Variants in CNTN1 observed in about 807,000 individuals in gnomAD.
CNTN1 encodes the protein contactin 1.
In CNTN1, 38 loss-of-function variants were observed where a neutral mutation model predicts 126.4. The observed-to-expected ratio is 0.30, with a 90% CI of 0.23 to 0.39. The LOEUF is 0.39. Among genes scored for constraint, CNTN1 ranks in the 10% least tolerant of loss-of-function variants. The pLI, the probability that CNTN1 is intolerant of heterozygous loss-of-function variation, is 1.00. For synonymous variants in CNTN1, 413 were observed against 422.6 expected (o/e 0.98, Z 0.28); for missense variants, 1,009 against 1,248.4 (o/e 0.81, Z 2.89).
At chr12:40,913,951 GCA>G (rs1249744497) in intron 3 of CNTN1, among the ~76,000 whole-genome samples, 3 of 152,068 alleles carry the variant, frequency 2.0e-5, no homozygotes, top group Non-Finnish European at 1.5e-5. Flanking sequence ...TGCATTAAAA[GCA>G]GATCAAAATA....
chr12:40,739,640 A>G (rs1259850998), intron 1 of CNTN1, among the ~76,000 whole-genome samples: 1 of 152,084 alleles, frequency 6.6e-6, no homozygotes, highest in Non-Finnish European at 1.5e-5. Context: ...GGCTTCAGCC[A>G]TATCTGTAAT....
intron 1 of CNTN1, among the ~76,000 whole-genome samples, chr12:40,805,368 T>A (rs561339373): frequency 1.3e-5 from 2 of 152,208 alleles, no homozygotes; most frequent in African/African-American, 4.8e-5. Flanking sequence ...TTTTTCCTTT[T>A]ATGTGTCAAT....
chr12:40,797,462 T>A (rs967392081), intron 1 of CNTN1, among the ~76,000 whole-genome samples: 1 of 151,540 alleles, frequency 6.6e-6, no homozygotes, highest in Non-Finnish European at 1.5e-5. Flanking sequence ...TAGGATAGAG[T>A]GGGAGAGTGC....
intron 1 of CNTN1, among the ~76,000 whole-genome samples, chr12:40,877,988 C>CTTTTTTTTTTT (rs199626249): frequency 2.7e-5 from 3 of 109,338 alleles, no homozygotes; most frequent in African/African-American, 6.5e-5. Context: ...CAGTTTTTTC[C>CTTTTTTTTTTT]TTTTTTTTTT....
intron 16 of CNTN1, 106 bp downstream of exon 16, chr12:40,981,173 GCTTT>G (rs1592358262): frequency 9.2e-7 from 1 of 1,083,808 alleles, no homozygotes; most frequent in Non-Finnish European, 1.4e-6. Context: ...ACCTTGAAAG[GCTTT>G]CTTTCTTAAA....
intron 23 of CNTN1, among the ~76,000 whole-genome samples, chr12:41,064,082 G>T (rs1320054400): frequency 6.6e-6 from 1 of 151,782 alleles, no homozygotes; most frequent in Non-Finnish European, 1.5e-5. Flanking sequence ...GCTGAGGCAG[G>T]AGAATGGCGT....
rs71078269 is a variant in CNTN1 at position 40,795,274 on chromosome 12, TACACACACACACACACACAC to T, written c.-77+102708_-77+102727del. Among the ~76,000 whole-genome samples the T allele has an allele frequency of 8.5e-3, 1,052 of 123,590 alleles. 23 individuals carry two copies. Among genetic ancestry groups the T allele is most frequent in the East Asian group, 0.014 (58 of 4,200 alleles). The allele number at this position is 123,590 out of a possible 152,430, so 81.1% of individuals were successfully genotyped here. ...ATCTCTGTAAACATGTCTACATGTA[TACACACACACACACACACAC>T]ACACACACACACACACACACACACA... is the stretch of plus-strand genomic sequence containing the variant. On this transcript the variant is annotated intron_variant, in intron 1 of 23. Coordinates refer to ENST00000551295, the MANE Select transcript of CNTN1 (RefSeq NM_001843.4).
chr12:41,008,461 T>A (rs896808176), intron 17 of CNTN1, among the ~76,000 whole-genome samples: 3 of 152,188 alleles, frequency 2.0e-5, no homozygotes, highest in African/African-American at 7.2e-5. Context: ...CATTAGGGGA[T>A]AATTTCTGGT....
At chr12:40,995,899 A>T (rs1948201065) in intron 17 of CNTN1, among the ~76,000 whole-genome samples, 1 of 152,192 alleles carries the variant, frequency 6.6e-6, no homozygotes, top group Non-Finnish European at 1.5e-5. Flanking sequence ...TGCATTGCTT[A>T]AGTTAATTCC....
At chr12:40,724,364 A>G (rs7132869) in intron 1 of CNTN1, among the ~76,000 whole-genome samples, 1 of 152,186 alleles carries the variant, frequency 6.6e-6, no homozygotes, top group Non-Finnish European at 1.5e-5. Context: ...GGCTTGGCTC[A>G]TCCAACTACT....
In CNTN1 at chr12:41,041,967, A is replaced by G. The variant is rs953560548; in HGVS notation, c.2980+12748A>G. Among the ~76,000 whole-genome samples the G allele has an allele frequency of 3.9e-3, 598 of 151,766 alleles. 7 individuals are homozygous for G. Among genetic ancestry groups the G allele is most frequent in the African/African-American group, 0.014 (564 of 41,422 alleles). ...TCTTGCCTTCTGCTAGCTTTTGAAT[A>G]TGTTTGCTCTTGCTTTTCTAGTTCT... On this transcript the variant is annotated intron_variant, in intron 23 of 23. Transcript: ENST00000551295.
At chr12:40,892,272 G>C (rs1379302439) in intron 1 of CNTN1, among the ~76,000 whole-genome samples, 1 of 152,048 alleles carries the variant, frequency 6.6e-6, no homozygotes, top group Non-Finnish European at 1.5e-5. Flanking sequence ...GTGGAAATGA[G>C]CTTCTCTCAG....
intron 23 of CNTN1, among the ~76,000 whole-genome samples, chr12:41,040,183 A>G (rs1949365941): frequency 6.6e-6 from 1 of 152,022 alleles, no homozygotes; most frequent in South Asian, 2.1e-4. Context: ...TCCTCAGAAA[A>G]ACCTTCCCCA....
intron 1 of CNTN1, among the ~76,000 whole-genome samples, chr12:40,751,452 C>A (rs76742182): frequency 1.3e-5 from 2 of 152,044 alleles, no homozygotes; most frequent in Non-Finnish European, 2.9e-5. Context: ...AGGTTAGGTT[C>A]TTTCTTTTAG....
intron 14 of CNTN1, among the ~76,000 whole-genome samples, chr12:40,947,218 G>A (rs903012669): frequency 6.6e-6 from 1 of 151,916 alleles, no homozygotes; most frequent in Non-Finnish European, 1.5e-5. Context: ...AATTTCCTGA[G>A]TATTATATTA....
intron 19 of CNTN1, among the ~76,000 whole-genome samples, chr12:41,018,334 C>T (rs280357): frequency 0.071 from 10,870 of 152,056 alleles, 751 homozygotes; most frequent in African/African-American, 0.18. Context: ...GTTCACCCAA[C>T]TTCCATTGTT....
chr12:41,023,049 T>A (rs770366826), intron 20 of CNTN1, among the ~76,000 whole-genome samples: 9 of 152,098 alleles, frequency 5.9e-5, no homozygotes, highest in Non-Finnish European at 8.8e-5. Flanking sequence ...CTTGACTGAC[T>A]ATAATGTGGT....
At chr12:40,932,148 C>T (rs777889493) in intron 7 of CNTN1, among the ~76,000 whole-genome samples, 7 of 151,826 alleles carry the variant, frequency 4.6e-5, no homozygotes, top group Non-Finnish European at 8.8e-5. Context: ...TTACCTGATA[C>T]GATTTGGCTG....
At chr12:40,981,105 C>CA in intron 16 of CNTN1, 38 bp downstream of exon 16, 1 of 1,606,194 alleles carries the variant, frequency 6.2e-7, no homozygotes, top group Non-Finnish European at 8.5e-7. Context: ...TGCATGTTTT[C>CA]AAAGTGAATT....
Sources: allele counts gnomAD v4.1 joint callset (sites outside exome capture counted in the v4.1 genomes callset), GRCh38; gene constraint gnomAD v4.1.1; transcripts MANE v1.5; gene names NCBI Gene and HGNC (gene_info 2026-07-23, HGNC 2026-07-21).